Variants in FSHR observed in about 807,000 individuals in gnomAD.
FSHR encodes follicle stimulating hormone receptor, also known as follicle-stimulating hormone receptor.
A neutral mutation model predicts 52.1 loss-of-function variants in FSHR; 46 were observed. That is an observed-to-expected ratio of 0.88 (90% CI 0.70 to 1.13). The LOEUF is 1.13. Ranked by LOEUF, FSHR falls within the 50% of genes most tolerant of loss-of-function variation. The probability of loss-of-function intolerance (pLI) is 0.00; values close to 1 mark genes in which losing one functional copy is unlikely to be tolerated. For synonymous variants in FSHR, 399 were observed against 309.6 expected (o/e 1.29, Z -3.03); for missense variants, 964 against 834.6 (o/e 1.16, Z -1.91).
At chr2:49,143,219 C>T (rs1157876) in intron 1 of FSHR, among the ~76,000 whole-genome samples, 42,088 of 151,864 alleles carry the variant, frequency 0.28, 6,136 homozygotes, top group East Asian at 0.47. Flanking sequence ...AAAGTTTTGC[C>T]TGAGCTATAG....
At chr2:48,979,188 T>C (rs1675126579) in intron 8 of FSHR, among the ~76,000 whole-genome samples, 1 of 152,122 alleles carries the variant, frequency 6.6e-6, no homozygotes, top group Non-Finnish European at 1.5e-5. Flanking sequence ...CTCACGCCTG[T>C]AATTCCAGTG....
At chr2:49,044,714 C>G (rs1668595828) in intron 2 of FSHR, among the ~76,000 whole-genome samples, 1 of 152,108 alleles carries the variant, frequency 6.6e-6, no homozygotes, top group African/African-American at 2.4e-5. Context: ...GCTTCACTCA[C>G]AATTTTAGCT....
intron 4 of FSHR, among the ~76,000 whole-genome samples, chr2:49,010,941 A>G (rs1192118677): frequency 1.3e-5 from 2 of 151,728 alleles, no homozygotes; most frequent in Admixed American, 1.3e-4. Flanking sequence ...TAGTCTTGCT[A>G]GTGGTCTATC....
chr2:49,079,332 A>T (rs892973041), intron 1 of FSHR, among the ~76,000 whole-genome samples: 2 of 152,084 alleles, frequency 1.3e-5, no homozygotes, highest in African/African-American at 4.8e-5. Flanking sequence ...TGAAGGCAAA[A>T]CCCATCTAAA....
chr2:48,962,586 T>C lies in FSHR; in HGVS notation c.*147A>G. 1 of 749,452 alleles carries C rather than the reference T, an allele frequency of 1.3e-6. No homozygotes were observed. The highest frequency in any genetic ancestry group is 2.2e-6 in the Non-Finnish European group (1 of 451,132). 46.4% of individuals were successfully genotyped at this position (749,452 alleles called of 1,614,324 possible). On this transcript the variant is annotated 3_prime_UTR_variant, in exon 10 of 10. Transcript: ENST00000406846. ...TTCCTAATGTATCACATGGAATTAA[T>C]AGTTCCTGACCAATTTACCTTAAAG...
In FSHR at chr2:49,021,886, TAGAGAGAGAGAGAGAGAG is replaced by T. The variant is rs58926557; in HGVS notation, c.225-1744_225-1727del. Among the ~76,000 whole-genome samples the T allele has an allele frequency of 7.6e-4, 19 of 25,126 alleles. 1 individual carries two copies. The highest frequency in any genetic ancestry group is 2.6e-3 in the African/African-American group (18 of 6,836). The allele number at this position is 25,126 out of a possible 152,430, so 16.5% of individuals were successfully genotyped here. ...CTCTATATATATATATATATATATA[TAGAGAGAGAGAGAGAGAG>T]AGAGAGAGAGAGAGAGAATGAACAC... On this transcript the variant is annotated intron_variant, in intron 2 of 9. Coordinates refer to ENST00000406846, the MANE Select transcript of FSHR (RefSeq NM_000145.4).
At chr2:49,065,258 T>C (rs1669457689) in intron 2 of FSHR, among the ~76,000 whole-genome samples, 1 of 152,120 alleles carries the variant, frequency 6.6e-6, no homozygotes. Flanking sequence ...TGCAAGAGAA[T>C]TTAAACAGTG....
chr2:49,075,969 T>A (rs1490901966), intron 1 of FSHR, among the ~76,000 whole-genome samples: 1 of 152,158 alleles, frequency 6.6e-6, no homozygotes, highest in Non-Finnish European at 1.5e-5. Context: ...TCAGAAAACA[T>A]GGATAATTTT....
intron 9 of FSHR, among the ~76,000 whole-genome samples, chr2:48,964,891 A>G (rs1418243085): frequency 1.3e-5 from 2 of 152,080 alleles, no homozygotes; most frequent in African/African-American, 4.8e-5. Flanking sequence ...CCAGAGTAGT[A>G]TATCAATACT....
intron 1 of FSHR, among the ~76,000 whole-genome samples, chr2:49,082,322 C>A (rs1234866311): frequency 6.6e-6 from 1 of 152,106 alleles, no homozygotes; most frequent in Admixed American, 6.5e-5. Context: ...ACAGAAAGGA[C>A]ATCCACATCA....
At chr2:48,967,107 T>G (rs927043139) in intron 9 of FSHR, among the ~76,000 whole-genome samples, 2 of 152,158 alleles carry the variant, frequency 1.3e-5, no homozygotes, top group African/African-American at 4.8e-5. Flanking sequence ...ATTTTCTTCT[T>G]TTTTTAAAGA....
At chr2:48,973,595 A>G (rs1249668859) in intron 8 of FSHR, among the ~76,000 whole-genome samples, 2 of 152,244 alleles carry the variant, frequency 1.3e-5, no homozygotes, top group African/African-American at 2.4e-5. Context: ...TATAGTCTGT[A>G]TACTTTCTGC....
intron 1 of FSHR, among the ~76,000 whole-genome samples, chr2:49,104,866 G>C (rs539863498): frequency 6.6e-6 from 1 of 152,064 alleles, no homozygotes; most frequent in South Asian, 2.1e-4. Flanking sequence ...TGGGGGGAGG[G>C]GGGGCGGGCA....
chr2:48,996,478 T>C (rs957928624), intron 4 of FSHR, among the ~76,000 whole-genome samples: 33 of 152,292 alleles, frequency 2.2e-4, no homozygotes, highest in African/African-American at 7.5e-4. Flanking sequence ...TATGTTTCTA[T>C]TTAAAGACAC....
At chr2:49,113,774 T>G (rs28513867) in intron 1 of FSHR, among the ~76,000 whole-genome samples, 40,159 of 152,052 alleles carry the variant, frequency 0.26, 6,944 homozygotes, top group African/African-American at 0.5. Flanking sequence ...AGGACACTTG[T>G]GGGGAGGTCT....
chr2:49,024,383 T>C (rs1667847040), intron 2 of FSHR, among the ~76,000 whole-genome samples: 1 of 152,138 alleles, frequency 6.6e-6, no homozygotes, highest in African/African-American at 2.4e-5. Context: ...GAGACCAGCC[T>C]GAGCAACATG....
intron 1 of FSHR, among the ~76,000 whole-genome samples, chr2:49,113,042 G>A (rs990629892): frequency 1.3e-5 from 2 of 152,156 alleles, no homozygotes; most frequent in Admixed American, 6.5e-5. Flanking sequence ...AATAGACCAT[G>A]TATGAGGAAC....
At chr2:49,135,468 C>A (rs566926723) in intron 1 of FSHR, among the ~76,000 whole-genome samples, 3 of 151,880 alleles carry the variant, frequency 2.0e-5, no homozygotes, top group Admixed American at 1.3e-4. Context: ...TAAGGTCATG[C>A]TTATAGAAAA....
chr2:49,068,091 A>T, intron 2 of FSHR, 128 bp downstream of exon 2: 1 of 741,754 alleles, frequency 1.3e-6, no homozygotes, highest in Non-Finnish European at 2.5e-6. Context: ...AAATGTGAGG[A>T]GATGCAGAAA....
Sources: gnomAD v4.1 joint callset for allele counts (sites outside exome capture counted in the v4.1 genomes callset) on GRCh38, gnomAD v4.1.1 for gene constraint, MANE v1.5 for transcripts, NCBI Gene and HGNC (gene_info 2026-07-23, HGNC 2026-07-21) for gene names.